PPM1E: variants seen among roughly 807,000 people sequenced by gnomAD.
PPM1E encodes the protein protein phosphatase, Mg2+/Mn2+ dependent 1E.
Under a neutral mutation model 65.9 loss-of-function variants are expected in PPM1E, and 20 were observed. The ratio of observed to expected loss-of-function variants is 0.30; its 90% CI spans 0.21 to 0.44. PPM1E has a LOEUF of 0.44. PPM1E is among the 20% of genes least tolerant of loss of function. The pLI is 1.00. For missense variants in PPM1E, 713 were observed against 953.1 expected (o/e 0.75, Z 3.32); for synonymous variants, 352 against 374.9 (o/e 0.94, Z 0.70).
intron 1 of PPM1E, among the ~76,000 whole-genome samples, chr17:58,922,352 A>T (rs2051763621): frequency 6.6e-6 from 1 of 152,072 alleles, no homozygotes; most frequent in Admixed American, 6.6e-5. Flanking sequence ...TCCTGGGCTC[A>T]AGGGATCCTC....
intron 1 of PPM1E, among the ~76,000 whole-genome samples, chr17:58,781,784 G>A (rs2050052678): frequency 6.6e-6 from 1 of 151,868 alleles, no homozygotes; most frequent in Admixed American, 6.6e-5. Context: ...TACTCGGGAG[G>A]CTGAGGCAGG....
chr17:58,809,841 G>A (rs1349594022), intron 1 of PPM1E, among the ~76,000 whole-genome samples: 1 of 152,176 alleles, frequency 6.6e-6, no homozygotes, highest in Non-Finnish European at 1.5e-5. Flanking sequence ...TTCTAGAGCA[G>A]CACATGCTGT....
At chr17:58,811,050 G>T (rs1028021578) in intron 1 of PPM1E, among the ~76,000 whole-genome samples, 2 of 152,058 alleles carry the variant, frequency 1.3e-5, no homozygotes, top group Non-Finnish European at 2.9e-5. Flanking sequence ...TAGAGACGGG[G>T]TTTCGCCATG....
At chr17:58,879,208 G>T (rs1402415897) in intron 1 of PPM1E, among the ~76,000 whole-genome samples, 2 of 151,350 alleles carry the variant, frequency 1.3e-5, no homozygotes, top group Admixed American at 1.3e-4. Flanking sequence ...CACAGAATTA[G>T]GAACACATAC....
chr17:58,851,109 A>G (rs1028168986), intron 1 of PPM1E, among the ~76,000 whole-genome samples: 1 of 152,150 alleles, frequency 6.6e-6, no homozygotes, highest in East Asian at 1.9e-4. Context: ...TTCTCGTGCC[A>G]TGGTTTTCAG....
intron 1 of PPM1E, among the ~76,000 whole-genome samples, chr17:58,923,830 T>C (rs2051786843): frequency 6.6e-6 from 1 of 150,956 alleles, no homozygotes; most frequent in African/African-American, 2.4e-5. Flanking sequence ...GGGAGGATTG[T>C]TTGAGCCCAG....
intron 1 of PPM1E, among the ~76,000 whole-genome samples, chr17:58,864,149 C>G (rs1470054871): frequency 7.0e-6 from 1 of 142,902 alleles, no homozygotes; most frequent in Non-Finnish European, 1.5e-5. Flanking sequence ...GACCCTGTCT[C>G]AAAAAAAAAA....
At chr17:58,810,876 G>A (rs2050359810) in intron 1 of PPM1E, among the ~76,000 whole-genome samples, 1 of 150,316 alleles carries the variant, frequency 6.7e-6, no homozygotes, top group Non-Finnish European at 1.5e-5. Context: ...TCTTTTTTTT[G>A]AGACAGAGCC....
rs9900333 is a variant in PPM1E, at chr17:58,798,502, C to A, written c.464+42041C>A. 9.6e-4 allele frequency among the ~76,000 whole-genome samples: 141 copies of A among 147,420 alleles called. 1 individual carries two copies. Among genetic ancestry groups the A allele is most frequent in the African/African-American group, 3.4e-3 (138 of 40,262 alleles). ...CCTCCCAAAGTGCTGGGATTACAGG[C>A]GTGATCCACCGCACACGGCCCTATT... On this transcript the variant is annotated intron_variant, in intron 1 of 6. Coordinates refer to ENST00000308249, the MANE Select transcript of PPM1E (RefSeq NM_014906.5).
intron 1 of PPM1E, among the ~76,000 whole-genome samples, chr17:58,918,542 C>A (rs1377241300): frequency 1.3e-5 from 2 of 151,976 alleles, no homozygotes; most frequent in African/African-American, 4.8e-5. Flanking sequence ...AAAATACATG[C>A]ATCTTGTAAT....
chr17:58,826,027 G>A (rs1042143280), intron 1 of PPM1E, among the ~76,000 whole-genome samples: 1 of 151,678 alleles, frequency 6.6e-6, no homozygotes, highest in African/African-American at 2.4e-5. Flanking sequence ...GGTGGCTTAT[G>A]CCTGTAATCC....
intron 1 of PPM1E, among the ~76,000 whole-genome samples, chr17:58,880,771 A>T (rs1445637313): frequency 6.6e-6 from 1 of 152,058 alleles, no homozygotes; most frequent in Non-Finnish European, 1.5e-5. Flanking sequence ...CCATGGGCAC[A>T]TGCCACCACT....
chr17:58,805,399 C>T (rs527318082), intron 1 of PPM1E, among the ~76,000 whole-genome samples: 13 of 151,992 alleles, frequency 8.6e-5, no homozygotes, highest in East Asian at 5.8e-4. Flanking sequence ...TACAGGCATG[C>T]GCCACCACAG....
At chr17:58,893,633 G>A (rs1255183888) in intron 1 of PPM1E, among the ~76,000 whole-genome samples, 1 of 152,194 alleles carries the variant, frequency 6.6e-6, no homozygotes, top group Admixed American at 6.5e-5. Flanking sequence ...TTGGGTCAAT[G>A]TGTGTTCATT....
At chr17:58,860,989 C>G (rs1220274837) in intron 1 of PPM1E, among the ~76,000 whole-genome samples, 1 of 152,138 alleles carries the variant, frequency 6.6e-6, no homozygotes, top group Non-Finnish European at 1.5e-5. Flanking sequence ...TGAAAAATCT[C>G]TTCCCATGCC....
At chr17:58,762,885 G>A (rs1271853493) in intron 1 of PPM1E, among the ~76,000 whole-genome samples, 3 of 144,376 alleles carry the variant, frequency 2.1e-5, no homozygotes, top group Admixed American at 7.0e-5. Flanking sequence ...GCGACAGAGC[G>A]AGACTCCGTC....
At chr17:58,899,747 C>G (rs1326083802) in intron 1 of PPM1E, 1 of 156,118 alleles carries the variant, frequency 6.4e-6, no homozygotes, top group Non-Finnish European at 1.4e-5. Context: ...ATTCGTGATT[C>G]ATGAGAGGAG....
At chr17:58,911,083 G>A (rs959111739) in intron 1 of PPM1E, among the ~76,000 whole-genome samples, 1 of 152,154 alleles carries the variant, frequency 6.6e-6, no homozygotes, top group Non-Finnish European at 1.5e-5. Flanking sequence ...CCAGCAGTTT[G>A]TCAATTACAG....
chr17:58,769,746 G>A (rs907437622), intron 1 of PPM1E, among the ~76,000 whole-genome samples: 4 of 152,110 alleles, frequency 2.6e-5, no homozygotes, highest in Non-Finnish European at 5.9e-5. Context: ...CAGTGGATTG[G>A]CCAGGTGTGG....
Sources: allele counts gnomAD v4.1 joint callset (sites outside exome capture counted in the v4.1 genomes callset), GRCh38; gene constraint gnomAD v4.1.1; transcripts MANE v1.5; gene names NCBI Gene and HGNC (gene_info 2026-07-23, HGNC 2026-07-21).